The following KLRC1 variants were observed in gnomAD, a reference collection of about 807,000 sequenced individuals.
The protein encoded by KLRC1 is NKG2-A/NKG2-B type II integral membrane protein.
Under a neutral mutation model 25.9 loss-of-function variants are expected in KLRC1, and 22 were observed. The ratio of observed to expected loss-of-function variants is 0.85; its 90% confidence interval spans 0.61 to 1.21. The LOEUF (loss-of-function observed/expected upper bound fraction) is 1.21. Ranked by LOEUF, KLRC1 falls within the 50% of genes most tolerant of loss-of-function variation. KLRC1 has a pLI of 0.00. For missense variants in KLRC1, 240 were observed against 272.2 expected (o/e 0.88, Z 0.83); for synonymous variants, 77 against 93.1 (o/e 0.83, Z 0.99).
At chr12:10,450,288 G>A (rs1053242939) in intron 3 of KLRC1, 196 bp downstream of exon 3, 6 of 498,126 alleles carry the variant, frequency 1.2e-5, no homozygotes, top group Non-Finnish European at 1.7e-5. Context: ...ATATACATAC[G>A]ATTGCATCAG....
At chr12:10,445,926 G>A (rs1258317484), downstream of KLRC1, 1 of 151,098 alleles carries the variant, frequency 6.6e-6, no homozygotes, top group Non-Finnish European at 1.5e-5. Context: ...TACATTGAAG[G>A]AAACACTTTA....
chr12:10,453,191 T>C lies in KLRC1; in HGVS notation c.-32+7A>G, dbSNP rs2137901852. On this transcript the variant is annotated splice_region_variant and intron_variant, in intron 1 of 6. Coordinates refer to ENST00000359151, the MANE Select transcript of KLRC1 (RefSeq NM_002259.5). ...CTAGTAGAGAGTTGGAGAGTAGCAA[T>C]ACATACCTTCTGTCCCCAGAAAGTC... The C allele has an allele frequency of 3.0e-6, 3 of 984,186 alleles. No individual in the cohort carries two copies. The highest frequency in any genetic ancestry group is 3.6e-6 in the Non-Finnish European group (3 of 828,816). The allele number at this position is 984,186 out of a possible 1,614,324, so 61.0% of individuals were successfully genotyped here.
At chr12:10,446,789 G>A in intron 6 of KLRC1, 127 bp from the exon 7 acceptor site, 1 of 1,171,900 alleles carries the variant, frequency 8.5e-7, no homozygotes, top group South Asian at 1.3e-5. Flanking sequence ...CATAATATTA[G>A]TAAGAGTCAT....
intron 2 of KLRC1, 23 bp from the exon 3 acceptor site, chr12:10,450,602 A>T (rs998573542): frequency 7.0e-7 from 1 of 1,434,190 alleles, no homozygotes. Context: ...AAATGGGAAC[A>T]GTGCGAAAGG....
Position 10,449,182 on chromosome 12 carries a change from A to G in KLRC1, c.489+55T>C, listed in dbSNP as rs1428770458. On this transcript the variant is annotated intron_variant, in intron 5 of 6. Coordinates refer to ENST00000359151, the MANE Select transcript of KLRC1 (RefSeq NM_002259.5). ...ACACATATGGATGATTTCTACAAAT[A>G]TATTATCGACCGAAAGAAGCTTTTC... 2.5e-6 allele frequency: 4 copies of G among 1,606,414 alleles called. No homozygotes were observed. The African/African-American group carries it at 5.4e-5, about 22-fold the overall frequency.
In KLRC1 at chr12:10,449,937, G is replaced by T. The variant is rs1864086254; in HGVS notation, c.314C>A (p.Ser105Tyr). The T allele has an allele frequency of 6.7e-7, 1 of 1,490,234 alleles. No individual in the cohort carries two copies. Among genetic ancestry groups the T allele is most frequent in the South Asian group, 1.4e-5 (1 of 73,078 alleles). The allele number at this position is 1,490,234 out of a possible 1,614,324, so 92.3% of individuals were successfully genotyped here. The change falls in exon 4 of 7, where the codon TCC (serine) becomes TAC (tyrosine). Residue 105 changes from serine to tyrosine, a missense_variant. Transcript: ENST00000359151. ...STLIQRHNNS[S>Y]LNTRTQKARH... The stretch of plus-strand genomic sequence containing the variant: ...ACCTTTCTGAGTTCTTGTATTCAGG[G>T]AAGAATTGTTGTGCCTCTGTATTAA...
At position 10,449,271 on chromosome 12, in the gene KLRC1, G is replaced by T. The variant is rs1327676250; in HGVS notation, c.455C>A (p.Ser152Tyr). 5.0e-6 allele frequency: 8 copies of T among 1,613,746 alleles called. No individual in the cohort carries two copies. In the Admixed American group the frequency reaches 6.7e-5, roughly 13 times the overall value. Reference protein sequence around the residue: ...ESLLACTSKNSSLLSIDNEEE... With the variant: ...ESLLACTSKNYSLLSIDNEEE... Reference sequence around the variant, plus strand: ...TTCATTATCTATAGAAAGCAGACTGGAGTTCTTCGAAGTACAGGCCAGCAA... The same window carrying T: ...TTCATTATCTATAGAAAGCAGACTGTAGTTCTTCGAAGTACAGGCCAGCAA... Residue 152 changes from serine to tyrosine, a missense_variant, in exon 5 of 7, where the codon TCC (serine) becomes TAC (tyrosine). Transcript: ENST00000359151.
intron 5 of KLRC1, 78 bp downstream of exon 5, chr12:10,449,159 A>G (rs567607129): frequency 6.4e-7 from 1 of 1,569,700 alleles, no homozygotes; most frequent in Non-Finnish European, 8.7e-7. Flanking sequence ...ATATACCCAC[A>G]CATATGGATG....
At chr12:10,453,498 T>G, upstream of KLRC1, 2 of 324,656 alleles carry the variant, frequency 6.2e-6, no homozygotes, top group South Asian at 2.4e-4. Flanking sequence ...CTTGGTCTAT[T>G]AAAAGTACAA....
Position 10,453,186 on chromosome 12 carries a change from A to G in KLRC1, c.-32+12T>C. On this transcript the variant is annotated intron_variant, in intron 1 of 6. Transcript: ENST00000359151. The stretch of plus-strand genomic sequence containing the variant: ...GTAGGCTAGTAGAGAGTTGGAGAGT[A>G]GCAATACATACCTTCTGTCCCCAGA... The G allele has an allele frequency of 5.1e-6, 5 of 982,666 alleles. No homozygotes were observed. The highest frequency in any genetic ancestry group is 6.0e-6 in the Non-Finnish European group (5 of 827,410). The allele number at this position is 982,666 out of a possible 1,614,324, so 60.9% of individuals were successfully genotyped here. A position where few individuals can be genotyped will look rare whatever the true frequency, so the allele number is the denominator to read the frequency against.
At chr12:10,443,175 G>T (rs1863933091), downstream of KLRC1, among the ~76,000 whole-genome samples, 1 of 141,452 alleles carries the variant, frequency 7.1e-6, no homozygotes, top group Admixed American at 6.9e-5. Context: ...TGTAACAAAA[G>T]AATAAATCCT....
chr12:10,447,470 T>C, intron 6 of KLRC1, 62 bp downstream of exon 6: 2 of 1,297,354 alleles, frequency 1.5e-6, no homozygotes, highest in Non-Finnish European at 2.2e-6. Context: ...TTATTCATAT[T>C]ATTCTTCTGA....
downstream of KLRC1, chr12:10,446,010 A>G (rs1309358475): frequency 6.6e-6 from 1 of 151,288 alleles, no homozygotes; most frequent in African/African-American, 2.5e-5. Flanking sequence ...TGCAGTCACA[A>G]ATAATCCCAG....
At chr12:10,449,494 A>G (rs1490983747) in intron 4 of KLRC1, 106 bp from the exon 5 acceptor site, 11 of 1,507,242 alleles carry the variant, frequency 7.3e-6, no homozygotes, top group Admixed American at 2.2e-5. Context: ...CAACATATCT[A>G]TACATCTTCA....
upstream of KLRC1, chr12:10,454,633 T>C (rs1289077820): frequency 5.7e-5 from 56 of 985,162 alleles, no homozygotes; most frequent in Non-Finnish European, 6.6e-5. Flanking sequence ...ACCTCTGTCC[T>C]ACAGAAGATA....
At chr12:10,443,788 A>G (rs898393207), downstream of KLRC1, among the ~76,000 whole-genome samples, 1 of 140,630 alleles carries the variant, frequency 7.1e-6, no homozygotes, top group Non-Finnish European at 1.5e-5. Context: ...ATGTAGTACC[A>G]CTAGCCAAGC....
rs1327473323 is a variant in KLRC1 at position 10,451,095 on chromosome 12, T to G, written c.62A>C (p.Gln21Pro). The G allele has an allele frequency of 2.5e-6, 4 of 1,614,012 alleles. No homozygotes were observed. Among genetic ancestry groups the G allele is most frequent in the East Asian group, 4.5e-5 (2 of 44,890 alleles). ...LNLPPNPKRQ[Q>P]RKPKGNKNSI... ...GTTTTTATTGCCTTTAGGTTTTCGT[T>G]GCTGCCTCTTTGGGTTTGGGGGCAG... The change falls in exon 2 of 7, where the codon CAA (glutamine) becomes CCA (proline). Residue 21 changes from glutamine to proline, a missense_variant. Coordinates refer to ENST00000359151, the MANE Select transcript of KLRC1 (RefSeq NM_002259.5).
At chr12:10,451,210 G>A in intron 1 of KLRC1, 23 bp from the exon 2 acceptor site, 2 of 1,435,624 alleles carry the variant, frequency 1.4e-6, no homozygotes, top group Non-Finnish European at 9.3e-7. Context: ...TAGTTAAGAA[G>A]TTAATAAATG....
chr12:10,449,634 C>T (rs1864079073), intron 4 of KLRC1, among the ~76,000 whole-genome samples: 1 of 152,130 alleles, frequency 6.6e-6, no homozygotes, highest in East Asian at 1.9e-4. Context: ...CCACTCTATA[C>T]ATGTCTTGAA....
Sources: gnomAD v4.1 joint callset for allele counts (sites outside exome capture counted in the v4.1 genomes callset) on GRCh38, gnomAD v4.1.1 for gene constraint, MANE v1.5 for transcripts, NCBI Gene and HGNC (gene_info 2026-07-23, HGNC 2026-07-21) for gene names.